Variants in ALDH3B1 observed in about 807,000 individuals in gnomAD.
ALDH3B1 encodes the protein aldehyde dehydrogenase 3 family member B1.
ALDH3B1 carries 37 observed loss-of-function variants against 46.2 expected under a neutral mutation model. The ratio of observed to expected loss-of-function variants is 0.80; its 90% CI spans 0.62 to 1.05. The LOEUF is 1.05. ALDH3B1 is among the 50% of genes least tolerant of loss of function. The pLI, the probability that ALDH3B1 is intolerant of heterozygous loss-of-function variation, is 0.00. For missense variants in ALDH3B1, 603 were observed against 665.5 expected, an observed-to-expected ratio of 0.91 and a Z score of 1.03; for synonymous variants, 283 against 281.0, an observed-to-expected ratio of 1.01 and a Z score of -0.07.
chr11:68,018,487 G>C (rs375562363), intron 2 of ALDH3B1, 40 bp from the exon 3 acceptor site: 3 of 1,496,270 alleles, frequency 2.0e-6, no homozygotes, highest in African/African-American at 1.4e-5. Context: ...TGCCAACTCT[G>C]GGAATCCTGG....
At chr11:68,021,925 G>T in intron 7 of ALDH3B1, 54 bp downstream of exon 7, 2 of 1,541,250 alleles carry the variant, frequency 1.3e-6, no homozygotes, top group Non-Finnish European at 1.7e-6. Context: ...CCTCCTCACT[G>T]GAGGGCCCAA....
Position 68,027,827 on chromosome 11 carries a change from G to GC in ALDH3B1, c.1298dup (p.Met435AspfsTer47). 1 of 1,556,102 alleles carries GC rather than the reference G, an allele frequency of 6.4e-7. No homozygotes were observed. The highest frequency in any genetic ancestry group is 8.7e-7 in the Non-Finnish European group (1 of 1,149,626). ...CACCATCGCGCCTGCCTCCTGCGCA[G>GC]CCCGGGGATGGAGAAGCTCAACGCC... On this transcript the variant is annotated frameshift_variant, in exon 10 of 10. Transcript: ENST00000342456. LOFTEE classifies it high-confidence loss of function.
chr11:68,021,410 A>G, intron 6 of ALDH3B1, 75 bp from the exon 7 acceptor site: 2 of 1,546,666 alleles, frequency 1.3e-6, no homozygotes, highest in Non-Finnish European at 1.7e-6. Flanking sequence ...TCCAGGGAGG[A>G]GCGGGGCCGT....
At chr11:68,013,167 C>T (rs746828356) in intron 1 of ALDH3B1, among the ~76,000 whole-genome samples, 18 of 152,088 alleles carry the variant, frequency 1.2e-4, no homozygotes, top group Non-Finnish European at 2.1e-4. Context: ...TTGGCTTCTC[C>T]GCTTGCCAGG....
At chr11:68,027,136 C>T (rs902258978) in intron 9 of ALDH3B1, among the ~76,000 whole-genome samples, 14 of 152,140 alleles carry the variant, frequency 9.2e-5, no homozygotes, top group Non-Finnish European at 1.6e-4. Flanking sequence ...CCTAACACAC[C>T]GCATGGCACC....
At chr11:68,022,301 G>C (rs1442525408) in intron 7 of ALDH3B1, among the ~76,000 whole-genome samples, 10 of 152,210 alleles carry the variant, frequency 6.6e-5, no homozygotes, top group African/African-American at 2.2e-4. Context: ...GGACGCTGTT[G>C]CCTCATGAAC....
chr11:68,025,193 C>T (rs149564754), intron 8 of ALDH3B1: 360 of 152,422 alleles, frequency 2.4e-3, no homozygotes, highest in Non-Finnish European at 3.1e-3. Context: ...CTACCTGGGA[C>T]GCCCTCTGCT....
At chr11:68,009,848 G>A (rs1193391503), upstream of ALDH3B1, among the ~76,000 whole-genome samples, 1 of 152,126 alleles carries the variant, frequency 6.6e-6, no homozygotes, top group Non-Finnish European at 1.5e-5. Context: ...TAGGAGGAGG[G>A]CAGCAGGAGT....
In ALDH3B1 at chr11:68,015,417, C is replaced by G; in HGVS notation, c.120C>G (p.Asn40Lys). The G allele has an allele frequency of 6.4e-7, 1 of 1,558,768 alleles. No homozygotes were observed. The highest frequency in any genetic ancestry group is 8.7e-7 in the Non-Finnish European group (1 of 1,151,642). The change falls in exon 2 of 10, where the codon AAC (asparagine) becomes AAG (lysine). Residue 40 changes from asparagine to lysine, a missense_variant. Coordinates refer to ENST00000342456, the MANE Select transcript of ALDH3B1 (RefSeq NM_000694.4). ...LQGLGRFLQE[N>K]KQLLHDALAQ... ...GCCTGGGCCGCTTCCTGCAAGAAAA[C>G]AAGCAGCTTCTGCACGACGCACTGG... is the stretch of plus-strand genomic sequence containing the variant.
intron 2 of ALDH3B1, chr11:68,015,745 C>T (rs752915079): frequency 2.4e-5 from 14 of 588,848 alleles, no homozygotes; most frequent in Admixed American, 9.0e-5. Context: ...GACCTTCTAT[C>T]GGAGACAATA....
At chr11:68,020,638 T>C (rs533645434) in intron 6 of ALDH3B1, among the ~76,000 whole-genome samples, 2 of 152,298 alleles carry the variant, frequency 1.3e-5, no homozygotes, top group East Asian at 1.9e-4. Flanking sequence ...GGGAAGGGCC[T>C]GGCAGGATTG....
chr11:68,018,234 C>A (rs1014299249), intron 2 of ALDH3B1: 6 of 450,206 alleles, frequency 1.3e-5, no homozygotes, highest in East Asian at 4.4e-5. Context: ...TCTCCACCCC[C>A]ACCCTGCTCC....
At chr11:68,008,990 C>T (rs1857178949), upstream of ALDH3B1, among the ~76,000 whole-genome samples, 1 of 152,162 alleles carries the variant, frequency 6.6e-6, no homozygotes, top group South Asian at 2.1e-4. Context: ...CTGCCTGTGC[C>T]GAACTTGAGG....
At position 68,028,883 on chromosome 11, in the gene ALDH3B1, G is replaced by T. The variant is rs1455115449; in HGVS notation, c.*944G>T. 6.6e-6 allele frequency: 1 copy of T among 152,214 alleles called. No homozygotes were observed. Among genetic ancestry groups the T allele is most frequent in the Non-Finnish European group, 1.5e-5 (1 of 68,096 alleles). 9.4% of individuals were successfully genotyped at this position (152,214 alleles called of 1,614,324 possible). A position where few individuals can be genotyped will look rare whatever the true frequency, so the allele number is the denominator to read the frequency against. On this transcript the variant is annotated 3_prime_UTR_variant, in exon 10 of 10. Coordinates refer to ENST00000342456, the MANE Select transcript of ALDH3B1 (RefSeq NM_000694.4). ...CCCTTCCCTCCAGCCCATGCCAGAG[G>T]AGCTTGTAACTCTTTATCCTCATGG...
At chr11:68,018,987 A>G in intron 4 of ALDH3B1, 94 bp downstream of exon 4, 2 of 1,489,640 alleles carry the variant, frequency 1.3e-6, no homozygotes, top group Non-Finnish European at 1.8e-6. Context: ...GAACTGGCCC[A>G]GGTGGCAAAG....
intron 7 of ALDH3B1, 30 bp from the exon 8 acceptor site, chr11:68,022,565 C>T (rs765066106): frequency 6.2e-7 from 1 of 1,610,630 alleles, no homozygotes; most frequent in Non-Finnish European, 8.5e-7. Flanking sequence ...GACTGTGGCC[C>T]CAGGGCTGAG....
chr11:68,013,023 C>A (rs909755278), intron 1 of ALDH3B1, among the ~76,000 whole-genome samples: 1 of 152,030 alleles, frequency 6.6e-6, no homozygotes, highest in Non-Finnish European at 1.5e-5. Flanking sequence ...ATGAGTGCCG[C>A]GGGGGTGGGC....
intron 7 of ALDH3B1, among the ~76,000 whole-genome samples, chr11:68,022,106 C>G (rs575712584): frequency 6.6e-6 from 1 of 152,342 alleles, no homozygotes; most frequent in Non-Finnish European, 1.5e-5. Flanking sequence ...GATCCCAGGG[C>G]TCCAGGGCTC....
In ALDH3B1 at chr11:68,018,755, C is replaced by A. The variant is rs1348044178; in HGVS notation, c.274-18C>A. ...CGGGGTGCTGAGCACTTAATTTCAT[C>A]CCCGGCTCCCGGCCCAGGCCACGCA... is the stretch of plus-strand genomic sequence containing the variant. On this transcript the variant is annotated intron_variant, in intron 3 of 9. Coordinates refer to ENST00000342456, the MANE Select transcript of ALDH3B1 (RefSeq NM_000694.4). The A allele has an allele frequency of 2.6e-6, 4 of 1,550,936 alleles. No individual in the cohort carries two copies. The highest frequency in any genetic ancestry group is 3.5e-6 in the Non-Finnish European group (4 of 1,147,280).
Sources: allele counts gnomAD v4.1 joint callset (sites outside exome capture counted in the v4.1 genomes callset), GRCh38; gene constraint gnomAD v4.1.1; transcripts MANE v1.5; gene names NCBI Gene and HGNC (gene_info 2026-07-23, HGNC 2026-07-21).